Variants in LIMS2 observed in about 807,000 individuals in gnomAD.
The protein encoded by LIMS2 is LIM and senescent cell antigen-like-containing domain protein 2.
A neutral mutation model predicts 45.3 loss-of-function variants in LIMS2; 30 were observed. The ratio of observed to expected loss-of-function variants is 0.66; its 90% CI spans 0.50 to 0.90. The LOEUF (loss-of-function observed/expected upper bound fraction) is 0.90, where lower values mean the gene tolerates loss of function less well. Among genes scored for constraint, LIMS2 ranks in the 40% least tolerant of loss-of-function variants. The pLI is 0.00. For synonymous variants in LIMS2, 173 were observed against 188.0 expected (o/e 0.92, Z 0.65); for missense variants, 485 against 468.7 (o/e 1.03, Z -0.32).
At chr2:127,677,379 A>C (rs1685526066), upstream of LIMS2, among the ~76,000 whole-genome samples, 1 of 152,226 alleles carries the variant, frequency 6.6e-6, no homozygotes, top group African/African-American at 2.4e-5. The surrounding 1 kb of genome is among the most constrained non-coding windows in gnomAD (Gnocchi z 5.0). Flanking sequence ...AGTGCTGCAA[A>C]GAAAAGGACA....
intron 9 of LIMS2, 103 bp downstream of exon 9, chr2:127,639,967 T>C (rs1368979490): frequency 9.6e-6 from 12 of 1,254,306 alleles, no homozygotes; most frequent in Non-Finnish European, 1.4e-5. Context: ...CCCCACCATA[T>C]CCCCAGGCCA....
chr2:127,651,281 G>A, intron 4 of LIMS2: 1 of 1,607,274 alleles, frequency 6.2e-7, no homozygotes, highest in Admixed American at 1.7e-5. Context: ...TGGTCTGCCT[G>A]CAGCTGTACC....
At chr2:127,662,700 G>A (rs945380136) in intron 1 of LIMS2, among the ~76,000 whole-genome samples, 12 of 151,334 alleles carry the variant, frequency 7.9e-5, no homozygotes, top group Non-Finnish European at 1.8e-4. Flanking sequence ...GCTAAATGAC[G>A]AGTTAATGGG....
intron 4 of LIMS2, among the ~76,000 whole-genome samples, chr2:127,644,585 C>A (rs1255097812): frequency 6.6e-6 from 1 of 152,226 alleles, no homozygotes; most frequent in Non-Finnish European, 1.5e-5. Flanking sequence ...CATGACCCCA[C>A]TCCACATTCT....
At position 127,651,603 on chromosome 2, in the gene LIMS2, G is replaced by A. The variant is rs540565811; in HGVS notation, c.359+2821C>T. The A allele has an allele frequency of 3.5e-5, 57 of 1,613,406 alleles. 1 individual carries two copies. Among genetic ancestry groups the A allele is most frequent in the South Asian group, 2.9e-4 (26 of 91,086 alleles). On this transcript the variant is annotated intron_variant, in intron 4 of 9. Coordinates refer to ENST00000355119, the MANE Select transcript of LIMS2 (RefSeq NM_001161403.3). ...CACCTCCTGCCTCACCAGCCTCAAC[G>A]GGGCACTCGACCCCATCATGTATTT...
intron 1 of LIMS2, among the ~76,000 whole-genome samples, chr2:127,670,881 C>T (rs1685241311): frequency 6.6e-6 from 1 of 152,222 alleles, no homozygotes; most frequent in African/African-American, 2.4e-5. Flanking sequence ...CATGAGTTTC[C>T]CGTGTATTCC....
At chr2:127,639,933 G>T (rs751808286) in intron 9 of LIMS2, 137 bp downstream of exon 9, 2 of 879,990 alleles carry the variant, frequency 2.3e-6, no homozygotes, top group Middle Eastern at 3.0e-4. Context: ...TCCCTGGGTG[G>T]TATAAGGCCG....
rs558869321 is a variant in LIMS2 at position 127,654,694 on chromosome 2, G to A, written c.238+136C>T. The A allele has an allele frequency of 2.5e-4, 366 of 1,471,030 alleles. 1 individual carries two copies. In the East Asian group the frequency reaches 6.3e-3, roughly 25 times the overall value. The allele number at this position is 1,471,030 out of a possible 1,614,324, so 91.1% of individuals were successfully genotyped here. ...TGGTGATGCCTGTAGGGGGCCTGAC[G>A]GCTGCCGCTCAGAGAGGCAAGGTGG... On this transcript the variant is annotated intron_variant, in intron 3 of 9. Coordinates refer to ENST00000355119, the MANE Select transcript of LIMS2 (RefSeq NM_001161403.3).
chr2:127,651,735 A>G, intron 4 of LIMS2: 2 of 1,612,650 alleles, frequency 1.2e-6, no homozygotes, highest in Non-Finnish European at 1.7e-6. Context: ...GAGCTCGCTG[A>G]GTGCCAAGTC....
In LIMS2 at chr2:127,650,553, C is replaced by G. The variant is rs1022102820; in HGVS notation, c.359+3871G>C. 11 of 605,122 alleles carry G rather than the reference C, an allele frequency of 1.8e-5. No homozygotes were observed. In the African/African-American group the frequency reaches 2.0e-4, roughly 11 times the overall value. The allele number at this position is 605,122 out of a possible 1,614,324, so 37.5% of individuals were successfully genotyped here. ...GTTCAGAATGCCTCTGACGCTCACG[C>G]ACACCAAATGGACAAGGAGGTCCCC... is the stretch of plus-strand genomic sequence containing the variant. On this transcript the variant is annotated intron_variant, in intron 4 of 9. Transcript: ENST00000355119.
At chr2:127,654,400 T>C in intron 4 of LIMS2, 24 bp downstream of exon 4, 1 of 1,613,722 alleles carries the variant, frequency 6.2e-7, no homozygotes, top group Non-Finnish European at 8.5e-7. Flanking sequence ...CCCAGTCCTC[T>C]CTGGCCCAAC....
intron 1 of LIMS2, among the ~76,000 whole-genome samples, chr2:127,666,687 A>C (rs1274219123): frequency 1.3e-5 from 2 of 148,570 alleles, no homozygotes; most frequent in African/African-American, 5.1e-5. Flanking sequence ...TTATAAAGGA[A>C]AGAGGTTTAA....
intron 1 of LIMS2, among the ~76,000 whole-genome samples, chr2:127,662,675 G>A (rs943483793): frequency 6.7e-6 from 1 of 149,974 alleles, no homozygotes; most frequent in Non-Finnish European, 1.5e-5. Context: ...GATAGCATTA[G>A]GAGATATACC....
rs1682541904 is a variant in LIMS2, at chr2:127,642,574, C to T, written c.509+349G>A. On this transcript the variant is annotated intron_variant, in intron 5 of 9. Transcript: ENST00000355119. The surrounding 1 kb of genome is among the most constrained non-coding windows in gnomAD (Gnocchi z 5.3). ...GAGGGGCTGCCTATGCAACTCCTCT[C>T]TCCAACACCAGCACCAAGCCCACTC... 1 of 380,180 alleles carries T rather than the reference C, an allele frequency of 2.6e-6. No individual in the cohort carries two copies. The allele number at this position is 380,180 out of a possible 1,614,324, so 23.6% of individuals were successfully genotyped here.
chr2:127,650,005 T>C, intron 4 of LIMS2: 2 of 1,606,520 alleles, frequency 1.2e-6, no homozygotes, highest in Non-Finnish European at 1.7e-6. Flanking sequence ...TCTCCCCACC[T>C]GTCAGGATGT....
At position 127,669,102 on chromosome 2, in the gene LIMS2, A is replaced by G. The variant is rs572511326; in HGVS notation, c.11+5912T>C. Among the ~76,000 whole-genome samples, 21 of 152,258 alleles carry G rather than the reference A, an allele frequency of 1.4e-4. 1 individual carries two copies. The highest frequency in any genetic ancestry group is 4.8e-4 in the African/African-American group (20 of 41,536). On this transcript the variant is annotated intron_variant, in intron 1 of 9. Coordinates refer to ENST00000355119, the MANE Select transcript of LIMS2 (RefSeq NM_001161403.3). ...AGTGAAACCCTGTCTCGAGAGTCCA[A>G]AAATAATCCCATATATTTGTGGTCA...
At position 127,653,677 on chromosome 2, in the gene LIMS2, T is replaced by C. The variant is rs778379860; in HGVS notation, c.359+747A>G. Among the ~76,000 whole-genome samples the C allele has an allele frequency of 6.6e-6, 1 of 151,972 alleles. No homozygotes were observed. The highest frequency in any genetic ancestry group is 1.5e-5 in the Non-Finnish European group (1 of 67,974). ...CCGGGTGCCAGAAGGGGGGCGTTTC[T>C]GCACCTCAGCAGCTGTGGTGAGGGC... On this transcript the variant is annotated intron_variant, in intron 4 of 9. Coordinates refer to ENST00000355119, the MANE Select transcript of LIMS2 (RefSeq NM_001161403.3). This position sits in a 1 kb window ranked among gnomAD's most constrained non-coding sequence, Gnocchi z 5.3.
intron 4 of LIMS2, among the ~76,000 whole-genome samples, chr2:127,649,651 C>T (rs1445376966): frequency 1.3e-5 from 2 of 152,218 alleles, no homozygotes; most frequent in African/African-American, 4.8e-5. Context: ...TCTCCTTCTT[C>T]AATCTTCTGA....
At chr2:127,644,270 G>A (rs58855074) in intron 4 of LIMS2, among the ~76,000 whole-genome samples, 6 of 152,136 alleles carry the variant, frequency 3.9e-5, no homozygotes, top group East Asian at 3.9e-4. Context: ...TCAGCTGACC[G>A]AATGCCTCGG....
Sources: allele counts gnomAD v4.1 joint callset (sites outside exome capture counted in the v4.1 genomes callset), GRCh38; gene constraint gnomAD v4.1.1; non-coding constraint Gnocchi (gnomAD v3.1); transcripts MANE v1.5; gene names NCBI Gene and HGNC (gene_info 2026-07-23, HGNC 2026-07-21).